CIB1: variants seen among roughly 807,000 people sequenced by gnomAD.
The protein encoded by CIB1 is calcium and integrin binding 1, also known as calcium and integrin-binding protein 1.
In CIB1, 19 loss-of-function variants were observed where a neutral mutation model predicts 25.0. The ratio of observed to expected loss-of-function variants is 0.76; its 90% CI spans 0.53 to 1.12. The LOEUF is 1.12. Among genes scored for constraint, CIB1 ranks in the 50% most tolerant of loss-of-function variants. CIB1 has a pLI of 0.00. For missense variants in CIB1, 236 were observed against 242.6 expected (o/e 0.97, Z 0.18); for synonymous variants, 104 against 98.5 (o/e 1.06, Z -0.33).
At chr15:90,257,683 A>G in the CIB1 span, 1 of 1,614,176 alleles carries the variant, frequency 6.2e-7, no homozygotes, top group South Asian at 1.1e-5. Flanking sequence ...AACAAACACA[A>G]TGAGAATTTT....
the CIB1 span, chr15:90,255,926 G>A: frequency 1.2e-5 from 19 of 1,613,350 alleles, 1 homozygote; most frequent in South Asian, 1.9e-4. Flanking sequence ...ACCAGGGGGA[G>A]GAAAAGGGTC....
chr15:90,253,656 A>T, the CIB1 span, among the ~76,000 whole-genome samples: 1 of 152,132 alleles, frequency 6.6e-6, no homozygotes, highest in Non-Finnish European at 1.5e-5. Flanking sequence ...GGGTGAGCAC[A>T]TCTTAGGGAG....
the CIB1 span, chr15:90,241,571 C>A: frequency 6.2e-7 from 1 of 1,613,356 alleles, no homozygotes; most frequent in Non-Finnish European, 8.5e-7. Context: ...ACCTGCATGG[C>A]TATTACCTGG....
At chr15:90,253,486 G>C in the CIB1 span, 3 of 574,916 alleles carry the variant, frequency 5.2e-6, no homozygotes, top group Admixed American at 9.5e-5. Context: ...GTGCAGACAA[G>C]AAAGACCACC....
the CIB1 span, among the ~76,000 whole-genome samples, chr15:90,250,455 C>T: frequency 2.0e-5 from 3 of 152,206 alleles, no homozygotes. Flanking sequence ...CTCCACCTAC[C>T]TGGACACATC....
At chr15:90,265,635 C>T in the CIB1 span, 6 of 1,562,378 alleles carry the variant, frequency 3.8e-6, no homozygotes, top group Non-Finnish European at 5.3e-6. Flanking sequence ...CTCCGGCCCG[C>T]CCCTTCCACT....
the CIB1 span, among the ~76,000 whole-genome samples, chr15:90,247,432 CAGG>C: frequency 6.6e-6 from 1 of 151,018 alleles, no homozygotes; most frequent in Admixed American, 6.6e-5. Flanking sequence ...CACTCCTAGC[CAGG>C]AGGAGAGTTT....
At chr15:90,254,285 G>C in the CIB1 span, among the ~76,000 whole-genome samples, 1 of 151,612 alleles carries the variant, frequency 6.6e-6, no homozygotes, top group Non-Finnish European at 1.5e-5. Flanking sequence ...ATGAGGTCAG[G>C]AGTTCAAGAC....
At chr15:90,263,063 T>A in the CIB1 span, 3 of 1,536,040 alleles carry the variant, frequency 2.0e-6, no homozygotes, top group Non-Finnish European at 2.6e-6. Context: ...GAGACTCTCA[T>A]CCGAAGCCTG....
At chr15:90,264,090 G>T in the CIB1 span, 1 of 1,382,382 alleles carries the variant, frequency 7.2e-7, no homozygotes, top group South Asian at 1.2e-5. Flanking sequence ...TGGTCATTTT[G>T]ACATATGTAA....
At chr15:90,231,591 A>G in intron 3 of CIB1, 84 bp from the exon 4 acceptor site, 2 of 1,502,170 alleles carry the variant, frequency 1.3e-6, no homozygotes, top group Non-Finnish European at 1.8e-6. Flanking sequence ...AGGTCACAGG[A>G]CCAGCACCAG....
chr15:90,240,820 A>AT, the CIB1 span: 5,892 of 958,732 alleles, frequency 6.1e-3, 195 homozygotes, highest in African/African-American at 0.077. Flanking sequence ...TCTCAAAAAA[A>AT]AAAATAAATA....
At chr15:90,257,975 C>G in the CIB1 span, 3 of 1,506,448 alleles carry the variant, frequency 2.0e-6, no homozygotes, top group Non-Finnish European at 2.7e-6. Flanking sequence ...GAGGGAGCCT[C>G]CTGCCTACAG....
chr15:90,240,877 T>C, the CIB1 span: 1 of 1,507,520 alleles, frequency 6.6e-7, no homozygotes, highest in Non-Finnish European at 9.2e-7. Context: ...ATCATGTGTT[T>C]TCATCTTTTA....
the CIB1 span, chr15:90,258,858 T>A: frequency 1.7e-4 from 271 of 1,613,916 alleles, 1 homozygote; most frequent in African/African-American, 1.3e-5. Context: ...AAAAGGAAGG[T>A]GATGGAGGAG....
rs575974877 is a variant in CIB1, at chr15:90,231,531, C to T, written c.196-24G>A. Reference sequence around the variant, plus strand: ...GCCTAGGAGAACAAACGCCACAGGACGTGGCCCAGGTCACACGCTCATTAA... The same window carrying T: ...GCCTAGGAGAACAAACGCCACAGGATGTGGCCCAGGTCACACGCTCATTAA... On this transcript the variant is annotated intron_variant, in intron 3 of 6. Coordinates refer to ENST00000328649, the MANE Select transcript of CIB1 (RefSeq NM_006384.4). 142 of 1,610,856 alleles carry T rather than the reference C, an allele frequency of 8.8e-5. 2 individuals carry two copies. In the South Asian group the frequency reaches 1.3e-3, roughly 15 times the overall value.
At chr15:90,230,622 AG>A (rs1962454182) in intron 6 of CIB1, 117 bp from the exon 7 acceptor site, 3 of 1,123,008 alleles carry the variant, frequency 2.7e-6, no homozygotes, top group African/African-American at 1.6e-5. Context: ...TCCGTGTGTC[AG>A]CCCCCTCTGC....
the CIB1 span, chr15:90,241,599 G>C: frequency 6.2e-7 from 1 of 1,613,784 alleles, no homozygotes; most frequent in East Asian, 2.2e-5. Flanking sequence ...ACTGCCCGTG[G>C]AGCAGGCGCC....
chr15:90,260,994 T>C, the CIB1 span, among the ~76,000 whole-genome samples: 1 of 152,152 alleles, frequency 6.6e-6, no homozygotes, highest in Non-Finnish European at 1.5e-5. Flanking sequence ...AACATGCTAA[T>C]TGCATAGTAA....
Sources: gnomAD v4.1 joint callset for allele counts (sites outside exome capture counted in the v4.1 genomes callset) on GRCh38, gnomAD v4.1.1 for gene constraint, MANE v1.5 for transcripts, NCBI Gene and HGNC (gene_info 2026-07-23, HGNC 2026-07-21) for gene names.